The following C8orf76 variants were observed in gnomAD, a reference collection of about 807,000 sequenced individuals.
C8orf76 encodes uncharacterized protein C8orf76.
C8orf76 carries 46 observed loss-of-function variants against 38.1 expected under a neutral mutation model. That is an observed-to-expected ratio of 1.21 (90% confidence interval 0.95 to 1.54). The LOEUF (loss-of-function observed/expected upper bound fraction) is 1.54, where lower values mean the gene tolerates loss of function less well. C8orf76 is among the 40% of genes most tolerant of loss of function. The probability of loss-of-function intolerance (pLI) is 0.00; values close to 1 mark genes in which losing one functional copy is unlikely to be tolerated. For missense variants in C8orf76, 461 were observed against 441.6 expected, an observed-to-expected ratio of 1.04 and a Z score of -0.39; for synonymous variants, 166 against 167.5, an observed-to-expected ratio of 0.99 and a Z score of 0.07.
rs773115630 is a variant in C8orf76, at chr8:123,241,323, G to A, written c.24C>T (p.Phe8=). The A allele has an allele frequency of 7.6e-6, 12 of 1,570,718 alleles. No homozygotes were observed. In the African/African-American group the frequency reaches 8.5e-5, roughly 11 times the overall value. MDSGCWL[F]GGEFEDSVFE... The stretch of plus-strand genomic sequence containing the variant: ...ACACCGAGTCCTCGAACTCGCCGCC[G>A]AACAACCAGCACCCGGAATCCATCT... Residue 8 remains phenylalanine (F), a synonymous_variant, in exon 1 of 6, where the codon TTC becomes TTT. Coordinates refer to ENST00000276704, the MANE Select transcript of C8orf76 (RefSeq NM_032847.3).
chr8:123,227,172 G>C (rs1423157286), intron 4 of C8orf76, among the ~76,000 whole-genome samples: 1 of 151,530 alleles, frequency 6.6e-6, no homozygotes, highest in Admixed American at 6.6e-5. Flanking sequence ...ACCACTCTGC[G>C]ATACCTTACC....
intron 5 of C8orf76, 112 bp from the exon 6 acceptor site, chr8:123,220,409 AG>A: frequency 1.3e-6 from 1 of 755,686 alleles, no homozygotes; most frequent in Non-Finnish European, 2.1e-6. Context: ...TTGAGCAGCC[AG>A]GGGACATTCC....
chr8:123,241,162 G>C (rs1305937673), intron 1 of C8orf76, 68 bp downstream of exon 1: 3 of 1,453,990 alleles, frequency 2.1e-6, no homozygotes, highest in African/African-American at 1.5e-5. Context: ...GGCCGAGGCC[G>C]GGGCCGGGGC....
At chr8:123,230,203 C>T (rs1825201161) in intron 4 of C8orf76, among the ~76,000 whole-genome samples, 1 of 152,064 alleles carries the variant, frequency 6.6e-6, no homozygotes, top group Admixed American at 6.6e-5. Context: ...ATTCTCCCTA[C>T]CCTTCCCTCA....
At chr8:123,226,042 C>T in intron 5 of C8orf76, 1 of 481,130 alleles carries the variant, frequency 2.1e-6, no homozygotes, top group Non-Finnish European at 2.7e-6. Flanking sequence ...GGACTTGCAG[C>T]TGGCAAACAC....
rs1359949125 is a variant in C8orf76 at position 123,231,484 on chromosome 8, C to A, written c.631G>T (p.Asp211Tyr). ...IKSFFPHSGKDCLLCFPETLP... is the reference protein window; with the variant it reads ...IKSFFPHSGKYCLLCFPETLP... ...GTTTCAGGAAAACACAAAAGACAGT[C>A]TTTTCCTGAGTGTGGAAAGAAGGAT... Residue 211 changes from aspartate (D) to tyrosine (Y), a missense_variant, in exon 4 of 6, where the codon GAC becomes TAC. Physicochemically the swap from Asp to Tyr is radical, Grantham distance 160. Transcript: ENST00000276704. 35 of 1,614,094 alleles carry A rather than the reference C, an allele frequency of 2.2e-5. No homozygotes were observed. Among genetic ancestry groups the A allele is most frequent in the Non-Finnish European group, 2.8e-5 (33 of 1,180,050 alleles).
intron 5 of C8orf76, among the ~76,000 whole-genome samples, chr8:123,223,295 A>G (rs1304736687): frequency 1.3e-5 from 2 of 152,240 alleles, no homozygotes; most frequent in Non-Finnish European, 2.9e-5. Context: ...ACTCCTAGGT[A>G]TATACCCAAA....
At chr8:123,237,978 G>A (rs770537363) in intron 2 of C8orf76, 37 bp from the exon 3 acceptor site, 60 of 1,593,500 alleles carry the variant, frequency 3.8e-5, no homozygotes, top group Non-Finnish European at 4.7e-5. Context: ...ATGAAAGGAG[G>A]AAAACATAAC....
intron 3 of C8orf76, chr8:123,237,107 A>G (rs878938902): frequency 1.0e-6 from 1 of 999,862 alleles, no homozygotes. Context: ...ATACAACTAC[A>G]ACAAGATGAT....
rs1825015229 is a variant in C8orf76 at position 123,225,539 on chromosome 8, T to C, written c.948+961A>G. ...GGCCAAGGGAATCTTTAGCATGCCA[T>C]TACTTACGCTACAGAAGAAACCAGC... On this transcript the variant is annotated intron_variant, in intron 5 of 5. Transcript: ENST00000276704. Among the ~76,000 whole-genome samples, 5 of 152,142 alleles carry C rather than the reference T, an allele frequency of 3.3e-5. No homozygotes were observed. The South Asian group carries it at 1.0e-3, about 32-fold the overall frequency.
intron 2 of C8orf76, 100 bp from the exon 3 acceptor site, chr8:123,238,041 G>A (rs1825559018): frequency 1.5e-6 from 2 of 1,313,078 alleles, no homozygotes; most frequent in Middle Eastern, 2.1e-4. Flanking sequence ...GGAAAGTAAT[G>A]TTATAACTGA....
chr8:123,225,075 G>T (rs147245252), intron 5 of C8orf76, among the ~76,000 whole-genome samples: 5 of 151,956 alleles, frequency 3.3e-5, no homozygotes, highest in Admixed American at 3.3e-4. Context: ...ACACAATCTC[G>T]GCTCACTGCA....
At chr8:123,236,019 A>G (rs1272281849) in intron 3 of C8orf76, among the ~76,000 whole-genome samples, 1 of 152,244 alleles carries the variant, frequency 6.6e-6, no homozygotes, top group Admixed American at 6.5e-5. Flanking sequence ...CGATTTATCT[A>G]TCTTTCAGCT....
In C8orf76 at chr8:123,220,310, GAAA is replaced by G; in HGVS notation, c.949-16_949-14del. On this transcript the variant is annotated splice_polypyrimidine_tract_variant and intron_variant, in intron 5 of 5. Coordinates refer to ENST00000276704, the MANE Select transcript of C8orf76 (RefSeq NM_032847.3). ...CTTCTCCCATAACCTATAACAGGAG[GAAA>G]AAAAAAAACTGTCCCAATAAAAGAG... The G allele has an allele frequency of 8.0e-7, 1 of 1,247,680 alleles. No homozygotes were observed. Among genetic ancestry groups the G allele is most frequent in the South Asian group, 1.7e-5 (1 of 60,260 alleles). 77.3% of individuals were successfully genotyped at this position (1,247,680 alleles called of 1,614,324 possible).
intron 3 of C8orf76, 142 bp from the exon 4 acceptor site, chr8:123,231,899 C>A: frequency 1.2e-6 from 1 of 863,698 alleles, no homozygotes; most frequent in Non-Finnish European, 1.7e-6. Context: ...AAATATATTT[C>A]AATATATCTC....
At chr8:123,221,207 G>A (rs1384327067) in intron 5 of C8orf76, among the ~76,000 whole-genome samples, 1 of 152,192 alleles carries the variant, frequency 6.6e-6, no homozygotes, top group East Asian at 1.9e-4. Context: ...TGAGAGCCAA[G>A]CTTCACTAGG....
chr8:123,231,933 G>A (rs1458539813), intron 3 of C8orf76, among the ~76,000 whole-genome samples, 176 bp from the exon 4 acceptor site: 1 of 152,100 alleles, frequency 6.6e-6, no homozygotes, highest in Admixed American at 6.6e-5. Flanking sequence ...TAAACCCAGA[G>A]AGATATATGC....
At chr8:123,229,951 C>T (rs1340716187) in intron 4 of C8orf76, among the ~76,000 whole-genome samples, 6 of 151,880 alleles carry the variant, frequency 4.0e-5, no homozygotes, top group Non-Finnish European at 8.8e-5. Flanking sequence ...TGGAGACAGA[C>T]GTTGCAGTGA....
At chr8:123,241,151 G>GGGCCGA (rs1422398408) in intron 1 of C8orf76, 79 bp downstream of exon 1, 44 of 1,395,232 alleles carry the variant, frequency 3.2e-5, no homozygotes, top group Non-Finnish European at 3.4e-5. Context: ...GCGGACGGAG[G>GGGCCGA]GGCCGAGGCC....
Sources: allele counts gnomAD v4.1 joint callset (sites outside exome capture counted in the v4.1 genomes callset), GRCh38; gene constraint gnomAD v4.1.1; transcripts MANE v1.5; gene names NCBI Gene and HGNC (gene_info 2026-07-23, HGNC 2026-07-21).